Variants in VPS13B observed in about 807,000 individuals in gnomAD.
The protein encoded by VPS13B is intermembrane lipid transfer protein VPS13B.
In VPS13B, 285 loss-of-function variants were observed where a neutral mutation model predicts 426.4. That is an observed-to-expected ratio of 0.67 (90% CI 0.61 to 0.74). The LOEUF (loss-of-function observed/expected upper bound fraction) is 0.74. Among genes scored for constraint, VPS13B ranks in the 30% least tolerant of loss-of-function variants. VPS13B has a pLI of 0.00. For missense variants in VPS13B, 4,537 were observed against 4,782.6 expected, an observed-to-expected ratio of 0.95 and a Z score of 1.51; for synonymous variants, 1,676 against 1,676.4, an observed-to-expected ratio of 1.00 and a Z score of 0.01.
intron 3 of VPS13B, among the ~76,000 whole-genome samples, chr8:99,056,986 A>G (rs1453316906): frequency 6.6e-6 from 1 of 152,102 alleles, no homozygotes; most frequent in South Asian, 2.1e-4. Flanking sequence ...GGGCATTTTT[A>G]ATATTATCAT....
At chr8:99,730,213 A>C (rs1833536200) in intron 39 of VPS13B, among the ~76,000 whole-genome samples, 1 of 152,188 alleles carries the variant, frequency 6.6e-6, no homozygotes, top group African/African-American at 2.4e-5. Context: ...CATCTTTAGG[A>C]GGGATGCTCA....
chr8:99,556,115 C>T (rs1824548333), intron 30 of VPS13B, among the ~76,000 whole-genome samples: 1 of 152,066 alleles, frequency 6.6e-6, no homozygotes, highest in South Asian at 2.1e-4. Context: ...ATTATTTTCT[C>T]ATTGGTAAAA....
chr8:99,783,882 G>A (rs933048960), intron 42 of VPS13B, among the ~76,000 whole-genome samples: 6 of 152,144 alleles, frequency 3.9e-5, no homozygotes, highest in African/African-American at 1.2e-4. Context: ...CTTACTTTCT[G>A]TAGGGTACAA....
chr8:99,153,801 A>T (rs980056632), intron 14 of VPS13B, among the ~76,000 whole-genome samples: 4 of 151,796 alleles, frequency 2.6e-5, no homozygotes, highest in Admixed American at 6.6e-5. Flanking sequence ...TTTTATGTAG[A>T]TGTGAAATTC....
At chr8:99,358,885 A>G (rs1484855556) in intron 19 of VPS13B, among the ~76,000 whole-genome samples, 1 of 152,210 alleles carries the variant, frequency 6.6e-6, no homozygotes, top group African/African-American at 2.4e-5. Flanking sequence ...GGTACTGATT[A>G]CTATTGAATC....
chr8:99,821,476 T>A lies in VPS13B; in HGVS notation c.9177T>A (p.His3059Gln). ...TAAGACTTGGTGCTTTTCCAGGACA[T>A]CAGAAGGTAAGATCAAAGTCTATGT... ...TEIRLGAFPG[H>Q]QKLCQFCISS... The change falls in exon 50 of 62, where the codon CAT (histidine) becomes CAA (glutamine). Residue 3059 changes from histidine to glutamine, a missense_variant. Transcript: ENST00000357162. The A allele has an allele frequency of 6.2e-7, 1 of 1,613,694 alleles. No individual in the cohort carries two copies. The highest frequency in any genetic ancestry group is 8.5e-7 in the Non-Finnish European group (1 of 1,179,656).
chr8:99,577,580 C>T lies in VPS13B; in HGVS notation c.5167C>T (p.Gln1723Ter), dbSNP rs760869886. The T allele has an allele frequency of 4.3e-6, 7 of 1,613,720 alleles. No individual in the cohort carries two copies. Among genetic ancestry groups the T allele is most frequent in the Non-Finnish European group, 5.9e-6 (7 of 1,179,770 alleles). ...LSVAQVQLLH[Q>*]LIVANMTGLE... ...TGTGGCTCAAGTTCAACTCTTACAT[C>T]AGTTAATAGTAGCAAATATGACTGG... The change falls in exon 33 of 62, where the codon CAG becomes TAG. Residue 1723 changes from glutamine to a stop codon, truncating the protein, a stop_gained. Transcript: ENST00000357162. LOFTEE classifies it high-confidence loss of function.
intron 51 of VPS13B, among the ~76,000 whole-genome samples, chr8:99,824,806 T>C (rs568625912): frequency 2.0e-5 from 3 of 152,250 alleles, no homozygotes; most frequent in Admixed American, 6.5e-5. Context: ...CAACTCCCAC[T>C]TATGAGTGAG....
intron 30 of VPS13B, among the ~76,000 whole-genome samples, chr8:99,549,771 C>T (rs746972515): frequency 2.6e-5 from 4 of 152,086 alleles, no homozygotes; most frequent in African/African-American, 2.4e-5. Flanking sequence ...TCTCCAGGCC[C>T]GCTGTTCAGA....
At chr8:99,552,478 A>G (rs1458502965) in intron 30 of VPS13B, among the ~76,000 whole-genome samples, 1 of 151,938 alleles carries the variant, frequency 6.6e-6, no homozygotes, top group East Asian at 1.9e-4. Flanking sequence ...TGTTCATACC[A>G]TATGTGAGAC....
intron 24 of VPS13B, among the ~76,000 whole-genome samples, chr8:99,473,006 T>C (rs1037361915): frequency 2.6e-5 from 4 of 151,878 alleles, no homozygotes; most frequent in African/African-American, 9.7e-5. Flanking sequence ...TTTAAGAAAA[T>C]TGAATGTGAT....
At chr8:99,576,967 A>C (rs1212900408) in intron 32 of VPS13B, among the ~76,000 whole-genome samples, 1 of 152,136 alleles carries the variant, frequency 6.6e-6, no homozygotes, top group Non-Finnish European at 1.5e-5. Context: ...GCTCTTAGCA[A>C]TTAATTGCCT....
intron 3 of VPS13B, among the ~76,000 whole-genome samples, chr8:99,065,014 G>C (rs202096589): frequency 8.2e-4 from 125 of 152,234 alleles, no homozygotes; most frequent in Non-Finnish European, 4.4e-4. Flanking sequence ...AACTAAGCTT[G>C]ATAAGTGAAG....
rs1205235031 is a variant in VPS13B at position 99,696,713 on chromosome 8, TCTC to T, written c.6047-2810_6047-2808del. 16 of 889,354 alleles carry T rather than the reference TCTC, an allele frequency of 1.8e-5. No individual in the cohort carries two copies. In the East Asian group the frequency reaches 3.9e-4, roughly 22 times the overall value. The allele number at this position is 889,354 out of a possible 1,614,324, so 55.1% of individuals were successfully genotyped here. ...CAGCCAAGGGCAGTGCCACCAGACT[TCTC>T]CGTTTTCCCAGAAGATCCGGGGGAT... On this transcript the variant is annotated intron_variant, in intron 35 of 61. Transcript: ENST00000357162.
At chr8:99,444,202 A>G (rs1588386761) in intron 23 of VPS13B, among the ~76,000 whole-genome samples, 4 of 151,500 alleles carry the variant, frequency 2.6e-5, no homozygotes, top group Admixed American at 2.6e-4. Flanking sequence ...AGGTTCAAAC[A>G]ATTCTCCTGC....
intron 19 of VPS13B, among the ~76,000 whole-genome samples, chr8:99,343,396 C>A (rs954131730): frequency 6.6e-6 from 1 of 152,052 alleles, no homozygotes; most frequent in Non-Finnish European, 1.5e-5. Flanking sequence ...GGCTGATTGC[C>A]CATTTTTCAG....
intron 19 of VPS13B, among the ~76,000 whole-genome samples, chr8:99,314,471 A>T (rs551408388): frequency 1.3e-5 from 2 of 152,182 alleles, no homozygotes; most frequent in South Asian, 4.1e-4. Flanking sequence ...TGGTTATTTC[A>T]TTGTTAATTT....
At chr8:99,869,379 G>T (rs1178593604) in intron 59 of VPS13B, among the ~76,000 whole-genome samples, 1 of 152,170 alleles carries the variant, frequency 6.6e-6, no homozygotes, top group Non-Finnish European at 1.5e-5. Flanking sequence ...CCAGATCGGG[G>T]CATAAAAACA....
chr8:99,649,308 T>C (rs1195437604), intron 34 of VPS13B, among the ~76,000 whole-genome samples: 1 of 152,122 alleles, frequency 6.6e-6, no homozygotes, highest in East Asian at 1.9e-4. Context: ...CCTTTTTTCT[T>C]CAAATAGTCT....
Sources: allele counts gnomAD v4.1 joint callset (sites outside exome capture counted in the v4.1 genomes callset), GRCh38; gene constraint gnomAD v4.1.1; transcripts MANE v1.5; gene names NCBI Gene and HGNC (gene_info 2026-07-23, HGNC 2026-07-21).